Variants in ELP4 observed in about 807,000 individuals in gnomAD.
ELP4 encodes elongator acetyltransferase complex subunit 4.
ELP4 carries 51 observed loss-of-function variants against 48.9 expected under a neutral mutation model. The ratio of observed to expected loss-of-function variants is 1.04; its 90% CI spans 0.83 to 1.32. The LOEUF (loss-of-function observed/expected upper bound fraction) is 1.32. ELP4 is among the 40% of genes most tolerant of loss of function. The probability of loss-of-function intolerance (pLI) is 0.00; values close to 1 mark genes in which losing one functional copy is unlikely to be tolerated. For missense variants in ELP4, 519 were observed against 514.6 expected (o/e 1.01, Z -0.08); for synonymous variants, 210 against 189.2 (o/e 1.11, Z -0.90).
At chr11:31,579,749 C>T (rs1170919189) in intron 3 of ELP4, among the ~76,000 whole-genome samples, 2 of 137,340 alleles carry the variant, frequency 1.5e-5, no homozygotes, top group East Asian at 4.3e-4. Flanking sequence ...AACACTTGGA[C>T]ACAGAGTGGG....
intron 7 of ELP4, among the ~76,000 whole-genome samples, chr11:31,644,278 G>T (rs1945156869): frequency 6.6e-6 from 1 of 151,778 alleles, no homozygotes; most frequent in Non-Finnish European, 1.5e-5. Context: ...AATTCTGAAT[G>T]TCCTTACTGA....
chr11:31,570,856 G>A (rs1245581112), intron 3 of ELP4, among the ~76,000 whole-genome samples: 1 of 136,828 alleles, frequency 7.3e-6, no homozygotes, highest in African/African-American at 2.9e-5. Context: ...CTGGAGTGCA[G>A]TGGCACCATC....
chr11:31,512,958 G>A (rs1466517999), intron 1 of ELP4, among the ~76,000 whole-genome samples: 4 of 152,020 alleles, frequency 2.6e-5, no homozygotes, highest in Admixed American at 1.3e-4. Context: ...GTTAAATTTT[G>A]ATAGTGAAGG....
At chr11:31,564,437 T>C (rs1957072191) in intron 3 of ELP4, among the ~76,000 whole-genome samples, 1 of 152,018 alleles carries the variant, frequency 6.6e-6, no homozygotes, top group African/African-American at 2.4e-5. Flanking sequence ...CGTGCAGGTT[T>C]GTTACATACA....
At chr11:31,547,010 C>G (rs1052522406) in intron 3 of ELP4, among the ~76,000 whole-genome samples, 2 of 151,946 alleles carry the variant, frequency 1.3e-5, no homozygotes, top group Non-Finnish European at 2.9e-5. Flanking sequence ...ATTTATAGCA[C>G]TAAATGCCCA....
intron 3 of ELP4, among the ~76,000 whole-genome samples, chr11:31,548,219 T>C (rs1264822141): frequency 2.6e-5 from 4 of 152,226 alleles, no homozygotes; most frequent in Non-Finnish European, 4.4e-5. Context: ...GATGACGTGA[T>C]TGTATATCTA....
intron 7 of ELP4, chr11:31,633,708 T>C (rs992788993): frequency 2.0e-5 from 3 of 152,030 alleles, no homozygotes; most frequent in African/African-American, 7.2e-5. Context: ...CTGGTGAGCT[T>C]TTTATGATAA....
rs1454213036 is a variant in ELP4 at position 31,774,180 on chromosome 11, A to T, written c.1144-9213A>T. Among the ~76,000 whole-genome samples the T allele has an allele frequency of 3.9e-5, 6 of 152,258 alleles. No homozygotes were observed. In the East Asian group the frequency reaches 1.2e-3, roughly 29 times the overall value. ...ACAAAGCGAGACTGTCTCAAAATAA[A>T]TTTTTTAAAAAGACTTAACATTCTG... On this transcript the variant is annotated intron_variant, in intron 9 of 9. Transcript: ENST00000640961.
At chr11:31,684,561 T>G (rs1275672584) in intron 9 of ELP4, among the ~76,000 whole-genome samples, 1 of 152,144 alleles carries the variant, frequency 6.6e-6, no homozygotes, top group African/African-American at 2.4e-5. Context: ...ATGTCAACAT[T>G]TGTGGTATTG....
At chr11:31,750,789 T>C (rs1947702040) in intron 9 of ELP4, among the ~76,000 whole-genome samples, 1 of 152,178 alleles carries the variant, frequency 6.6e-6, no homozygotes, top group Admixed American at 6.5e-5. Flanking sequence ...TGTGGTGAAA[T>C]TCAGGCTTTT....
rs527798261 is a variant in ELP4, at chr11:31,649,869, A to C, written c.1037-246A>C. ...TTGACAAGTATTAAGATCCCTCTTT[A>C]CATCTGTACTTCTGTACCAAAGTGC... On this transcript the variant is annotated intron_variant, in intron 8 of 9. Coordinates refer to ENST00000640961, the MANE Select transcript of ELP4 (RefSeq NM_019040.5). The C allele has an allele frequency of 4.8e-5, 16 of 330,054 alleles. 1 individual carries two copies. Among genetic ancestry groups the C allele is most frequent in the East Asian group, 3.3e-4 (7 of 21,428 alleles). The allele number at this position is 330,054 out of a possible 1,614,324, so 20.4% of individuals were successfully genotyped here. A position where few individuals can be genotyped will look rare whatever the true frequency, so the allele number is the denominator to read the frequency against.
intron 2 of ELP4, among the ~76,000 whole-genome samples, chr11:31,535,166 C>A (rs2133899630): frequency 6.6e-6 from 1 of 152,182 alleles, no homozygotes; most frequent in African/African-American, 2.4e-5. Flanking sequence ...TAAAATTAGA[C>A]TTTGTGTAAA....
chr11:31,747,775 G>A (rs886827806), intron 9 of ELP4, among the ~76,000 whole-genome samples: 45 of 152,328 alleles, frequency 3.0e-4, no homozygotes, highest in African/African-American at 1.1e-3. Flanking sequence ...TCTGAACTTG[G>A]CTGCTTCTCT....
intron 9 of ELP4, among the ~76,000 whole-genome samples, chr11:31,694,448 G>T (rs1946354270): frequency 6.6e-6 from 1 of 152,120 alleles, no homozygotes; most frequent in South Asian, 2.1e-4. Flanking sequence ...GTTTTTGTCA[G>T]ATTTGTCAAA....
rs371790944 is a variant in ELP4, at chr11:31,632,423, C to G, written c.927+18C>G. 3 of 1,585,854 alleles carry G rather than the reference C, an allele frequency of 1.9e-6. No individual in the cohort carries two copies. Among genetic ancestry groups the G allele is most frequent in the East Asian group, 4.5e-5 (2 of 44,566 alleles). On this transcript the variant is annotated intron_variant, in intron 7 of 9. Coordinates refer to ENST00000640961, the MANE Select transcript of ELP4 (RefSeq NM_019040.5). Reference sequence around the variant, plus strand: ...TGATCCAGGTACGAAATTTCCAGAACTACTTTTTCATAATTCATAGTAATA... The same window carrying G: ...TGATCCAGGTACGAAATTTCCAGAAGTACTTTTTCATAATTCATAGTAATA...
intron 9 of ELP4, among the ~76,000 whole-genome samples, chr11:31,702,514 C>T (rs928783346): frequency 6.6e-6 from 1 of 151,816 alleles, no homozygotes; most frequent in African/African-American, 2.4e-5. Flanking sequence ...GTACTTAATG[C>T]CACTGAACTG....
intron 9 of ELP4, among the ~76,000 whole-genome samples, chr11:31,740,410 TG>T (rs536258676): frequency 8.4e-4 from 128 of 152,346 alleles, no homozygotes; most frequent in African/African-American, 3.0e-3. Context: ...ATGCCAAAGA[TG>T]TGAAATGTGC....
chr11:31,662,744 A>G, intron 9 of ELP4: 1 of 392,326 alleles, frequency 2.5e-6, no homozygotes, highest in Non-Finnish European at 4.5e-6. Context: ...TTGCTGTGTA[A>G]TTTGCACTTG....
In ELP4 at chr11:31,788,473, A is replaced by T. The variant is rs770591510; in HGVS notation, c.*4949A>T. 1 of 223,670 alleles carries T rather than the reference A, an allele frequency of 4.5e-6. No individual in the cohort carries two copies. Among genetic ancestry groups the T allele is most frequent in the South Asian group, 1.8e-4 (1 of 5,460 alleles). 13.9% of individuals were successfully genotyped at this position (223,670 alleles called of 1,614,324 possible). The stretch of plus-strand genomic sequence containing the variant: ...AAGGGGAGGGAGACAGAAAAGGGAG[A>T]GGGCCTATTTGAAAAAGGCAACAGC... On this transcript the variant is annotated 3_prime_UTR_variant, in exon 10 of 10. Coordinates refer to ENST00000640961, the MANE Select transcript of ELP4 (RefSeq NM_019040.5).
Sources: allele counts gnomAD v4.1 joint callset (sites outside exome capture counted in the v4.1 genomes callset), GRCh38; gene constraint gnomAD v4.1.1; transcripts MANE v1.5; gene names NCBI Gene and HGNC (gene_info 2026-07-23, HGNC 2026-07-21).